LYRM4: variants seen among roughly 807,000 people sequenced by gnomAD.
LYRM4 encodes LYR motif containing 4, also known as LYR motif-containing protein 4.
LYRM4 carries 9 observed loss-of-function variants against 11.7 expected under a neutral mutation model. The ratio of observed to expected loss-of-function variants is 0.77; its 90% CI spans 0.46 to 1.34. LYRM4 has a LOEUF of 1.34. Among genes scored for constraint, LYRM4 ranks in the 40% most tolerant of loss-of-function variants. The pLI, the probability that LYRM4 is intolerant of heterozygous loss-of-function variation, is 0.00. For synonymous variants in LYRM4, 42 were observed against 40.4 expected, an observed-to-expected ratio of 1.04 and a Z score of -0.15; for missense variants, 133 against 112.5, an observed-to-expected ratio of 1.18 and a Z score of -0.82.
intron 2 of LYRM4, among the ~76,000 whole-genome samples, chr6:5,177,865 C>G (rs1321724080): frequency 1.3e-5 from 2 of 152,168 alleles, no homozygotes; most frequent in African/African-American, 4.8e-5. Flanking sequence ...TTTCCAAGAA[C>G]ATACTAGGCC....
At chr6:5,231,187 CA>C (rs1449821451) in intron 1 of LYRM4, among the ~76,000 whole-genome samples, 4 of 151,966 alleles carry the variant, frequency 2.6e-5, no homozygotes, top group Non-Finnish European at 5.9e-5. Flanking sequence ...GTCTGGGCGA[CA>C]GAGTGAGACT....
chr6:5,086,607 G>T, the LYRM4 span: 3 of 1,405,416 alleles, frequency 2.1e-6, no homozygotes, highest in Non-Finnish European at 2.8e-6. Context: ...TGATTAGCAC[G>T]TGGAGCTCGG....
chr6:5,097,469 C>A, the LYRM4 span, among the ~76,000 whole-genome samples: 1 of 152,220 alleles, frequency 6.6e-6, no homozygotes, highest in African/African-American at 2.4e-5. Context: ...CAGCCCCAGC[C>A]TCCTAAGTAG....
intron 2 of LYRM4, among the ~76,000 whole-genome samples, chr6:5,190,942 G>GT (rs1465550595): frequency 6.6e-6 from 1 of 152,132 alleles, no homozygotes; most frequent in African/African-American, 2.4e-5. Context: ...AGGGTGAAAA[G>GT]TTTTTATCAG....
intron 2 of LYRM4, among the ~76,000 whole-genome samples, chr6:5,128,481 A>G (rs191374505): frequency 4.7e-4 from 71 of 152,344 alleles, no homozygotes; most frequent in African/African-American, 1.5e-3. Context: ...AAGAAAGTCA[A>G]AGTGACAAGG....
chr6:5,228,159 C>T (rs1581553899), intron 1 of LYRM4, among the ~76,000 whole-genome samples: 1 of 150,290 alleles, frequency 6.7e-6, no homozygotes, highest in East Asian at 1.9e-4. Context: ...AACGAAAAAA[C>T]ACCAGCATAT....
chr6:5,260,742 G>A lies in LYRM4; in HGVS notation c.-9C>T, dbSNP rs1324113667. 10 of 1,519,670 alleles carry A rather than the reference G, an allele frequency of 6.6e-6. No individual in the cohort carries two copies. The African/African-American group carries it at 7.0e-5, about 11-fold the overall frequency. 94.1% of individuals were successfully genotyped at this position (1,519,670 alleles called of 1,614,324 possible). A position where few individuals can be genotyped will look rare whatever the true frequency, so the allele number is the denominator to read the frequency against. On this transcript the variant is annotated 5_prime_UTR_variant, in exon 1 of 3. Transcript: ENST00000330636. ...CGACTGGAGGCTGCCATTTTGGAAA[G>A]AAAAAAAAATAAACGGGTCCTCTTC...
the LYRM4 span, among the ~76,000 whole-genome samples, chr6:5,053,642 AG>A: frequency 7.1e-6 from 1 of 141,492 alleles, no homozygotes. Context: ...AAAAAAAAAA[AG>A]AAAGAAAGAA....
At chr6:5,046,759 A>G in the LYRM4 span, among the ~76,000 whole-genome samples, 1 of 152,166 alleles carries the variant, frequency 6.6e-6, no homozygotes, top group African/African-American at 2.4e-5. Context: ...CTGAGATTTC[A>G]CACCAAGATG....
chr6:5,244,309 G>A (rs1764043119), intron 1 of LYRM4, among the ~76,000 whole-genome samples: 1 of 152,242 alleles, frequency 6.6e-6, no homozygotes, highest in African/African-American at 2.4e-5. Context: ...TGTTCTGTAG[G>A]TTGGGTGTAC....
intron 2 of LYRM4, among the ~76,000 whole-genome samples, chr6:5,117,557 A>AG (rs1376256709): frequency 6.6e-6 from 1 of 152,030 alleles, no homozygotes; most frequent in East Asian, 1.9e-4. Context: ...AAAAAAAAAA[A>AG]AAATTGTTCT....
chr6:5,187,004 T>A, intron 2 of LYRM4: 2 of 928,840 alleles, frequency 2.2e-6, no homozygotes, highest in Non-Finnish European at 2.6e-6. Flanking sequence ...AAAAATTGTC[T>A]ATAAAAGAAT....
chr6:5,244,120 A>G (rs368369090), intron 1 of LYRM4, among the ~76,000 whole-genome samples: 16 of 152,378 alleles, frequency 1.1e-4, no homozygotes, highest in African/African-American at 3.6e-4. Flanking sequence ...CATTCTGTAC[A>G]AACCATACTT....
At chr6:5,230,159 A>C (rs1763149243) in intron 1 of LYRM4, among the ~76,000 whole-genome samples, 1 of 152,174 alleles carries the variant, frequency 6.6e-6, no homozygotes, top group Non-Finnish European at 1.5e-5. Context: ...TAGACAGTGC[A>C]ATTTCCTGAA....
chr6:5,220,518 C>G (rs1762520917), intron 1 of LYRM4, among the ~76,000 whole-genome samples: 1 of 152,194 alleles, frequency 6.6e-6, no homozygotes, highest in African/African-American at 2.4e-5. Flanking sequence ...GGGGCAAACT[C>G]ATCTACCTCC....
chr6:5,062,594 G>A, the LYRM4 span, among the ~76,000 whole-genome samples: 1 of 151,914 alleles, frequency 6.6e-6, no homozygotes, highest in Non-Finnish European at 1.5e-5. Context: ...TGGTATCACC[G>A]AGGCAGCATG....
At chr6:5,129,464 GGGTGCCTGCTTC>G (rs1335519175) in intron 2 of LYRM4, among the ~76,000 whole-genome samples, 1 of 152,026 alleles carries the variant, frequency 6.6e-6, no homozygotes, top group African/African-American at 2.4e-5. Context: ...GCTTAGCCTG[GGGTGCCTGCTTC>G]ATCCTCGAAG....
intron 2 of LYRM4, among the ~76,000 whole-genome samples, chr6:5,208,557 A>G (rs1392727155): frequency 2.0e-5 from 3 of 152,232 alleles, no homozygotes; most frequent in Non-Finnish European, 4.4e-5. Flanking sequence ...ACTGTTGTAT[A>G]TGAAAGACGC....
intron 2 of LYRM4, among the ~76,000 whole-genome samples, chr6:5,152,727 G>A (rs775810421): frequency 6.6e-6 from 1 of 152,170 alleles, no homozygotes; most frequent in Non-Finnish European, 1.5e-5. Flanking sequence ...CTGTTTCCAG[G>A]GGATGGGACT....
Sources: allele counts gnomAD v4.1 joint callset (sites outside exome capture counted in the v4.1 genomes callset), GRCh38; gene constraint gnomAD v4.1.1; transcripts MANE v1.5; gene names NCBI Gene and HGNC (gene_info 2026-07-23, HGNC 2026-07-21).